The following ARHGAP12 variants were observed in gnomAD, a reference collection of about 807,000 sequenced individuals.
ARHGAP12 encodes the protein rho GTPase-activating protein 12.
ARHGAP12 carries 64 observed loss-of-function variants against 108.6 expected under a neutral mutation model. The observed-to-expected ratio is 0.59, with a 90% CI of 0.48 to 0.73. The LOEUF is 0.73. Among genes scored for constraint, ARHGAP12 ranks in the 30% least tolerant of loss-of-function variants. ARHGAP12 has a pLI of 0.00. For synonymous variants in ARHGAP12, 312 were observed against 337.2 expected, an observed-to-expected ratio of 0.93 and a Z score of 0.82; for missense variants, 940 against 1,005.9, an observed-to-expected ratio of 0.93 and a Z score of 0.89.
chr10:31,834,246 T>C (rs1041601065), intron 9 of ARHGAP12, among the ~76,000 whole-genome samples: 2 of 152,210 alleles, frequency 1.3e-5, no homozygotes, highest in South Asian at 4.1e-4. Flanking sequence ...ACAGACTAAA[T>C]GTTTGTGTCC....
intron 3 of ARHGAP12, among the ~76,000 whole-genome samples, chr10:31,898,458 T>C (rs1838791722): frequency 6.6e-6 from 1 of 152,134 alleles, no homozygotes; most frequent in Non-Finnish European, 1.5e-5. Flanking sequence ...AATGCATTGC[T>C]GGTGGGATGG....
Position 31,806,771 on chromosome 10 carries a change from G to A in ARHGAP12, c.*887C>T, listed in dbSNP as rs1834836804. 6.6e-6 allele frequency: 1 copy of A among 152,532 alleles called. No homozygotes were observed. The highest frequency in any genetic ancestry group is 2.1e-4 in the South Asian group (1 of 4,832). 9.4% of individuals were successfully genotyped at this position (152,532 alleles called of 1,614,324 possible). A position where few individuals can be genotyped will look rare whatever the true frequency, so the allele number is the denominator to read the frequency against. ...GAGGAAACCTAATATTCACAGAAAAGATTACCAATAACAATGATTAGAAAT... is the reference window on the plus strand; with the variant it reads ...GAGGAAACCTAATATTCACAGAAAAAATTACCAATAACAATGATTAGAAAT... On this transcript the variant is annotated 3_prime_UTR_variant, in exon 20 of 20. Transcript: ENST00000344936.
intron 1 of ARHGAP12, among the ~76,000 whole-genome samples, chr10:31,924,289 C>T (rs540648382): frequency 6.6e-6 from 1 of 152,108 alleles, no homozygotes; most frequent in Non-Finnish European, 1.5e-5. Context: ...AACTCAAAGG[C>T]CTATGAACTT....
chr10:31,908,552 T>C lies in ARHGAP12; in HGVS notation c.304A>G (p.Arg102Gly), dbSNP rs1324548763. 2 of 1,614,100 alleles carry C rather than the reference T, an allele frequency of 1.2e-6. No homozygotes were observed. The highest frequency in any genetic ancestry group is 1.7e-6 in the Non-Finnish European group (2 of 1,180,040). The part of the protein sequence containing the change: ...TKIMQSLHLQ[R>G]STENVNKLPE... ...AATTTGTTCACATTTTCTGTTGATC[T>C]CTGAAGATGCAAACTCTGCATTATT... The change falls in exon 3 of 20, where the codon AGA becomes GGA. Residue 102 changes from arginine (R) to glycine (G), a missense_variant. Physicochemically the swap from Arg to Gly is moderately radical, Grantham distance 125. Transcript: ENST00000344936.
At chr10:31,827,073 C>A (rs4518998) in intron 10 of ARHGAP12, 35,121 of 151,986 alleles carry the variant, frequency 0.23, 4,367 homozygotes, top group East Asian at 0.47. Context: ...TAATATGGGG[C>A]TTTTAAAGAA....
At chr10:31,917,740 G>C (rs1429931894) in intron 1 of ARHGAP12, among the ~76,000 whole-genome samples, 4 of 152,158 alleles carry the variant, frequency 2.6e-5, no homozygotes, top group African/African-American at 9.7e-5. Flanking sequence ...TCTAGTGTCA[G>C]ACATCAGTAA....
At chr10:31,867,536 G>A (rs982276290) in intron 3 of ARHGAP12, among the ~76,000 whole-genome samples, 2 of 152,142 alleles carry the variant, frequency 1.3e-5, no homozygotes, top group Non-Finnish European at 1.5e-5. Flanking sequence ...AAGTAATAAT[G>A]CACTGTCTTT....
At chr10:31,864,136 C>T (rs1007897162) in intron 3 of ARHGAP12, among the ~76,000 whole-genome samples, 5 of 151,812 alleles carry the variant, frequency 3.3e-5, no homozygotes, top group Non-Finnish European at 7.4e-5. Context: ...TCATAAAATA[C>T]GTAAAAGAAA....
intron 5 of ARHGAP12, 83 bp from the exon 6 acceptor site, chr10:31,852,680 T>C: frequency 1.1e-6 from 1 of 871,398 alleles, no homozygotes; most frequent in Non-Finnish European, 1.8e-6. Flanking sequence ...CTAGATTTAA[T>C]TCTTATGAAT....
chr10:31,854,611 G>T (rs1279397031), intron 4 of ARHGAP12, among the ~76,000 whole-genome samples: 1 of 152,122 alleles, frequency 6.6e-6, no homozygotes, highest in Non-Finnish European at 1.5e-5. Context: ...TCCTTCTCAT[G>T]TACCACAAGC....
intron 9 of ARHGAP12, among the ~76,000 whole-genome samples, chr10:31,837,952 C>T (rs910655030): frequency 2.0e-5 from 3 of 152,106 alleles, no homozygotes; most frequent in Admixed American, 2.0e-4. Context: ...TGAAGCTTTA[C>T]TCTGTCTGGT....
chr10:31,857,844 T>C (rs1174465783), intron 4 of ARHGAP12, among the ~76,000 whole-genome samples: 5 of 152,176 alleles, frequency 3.3e-5, no homozygotes, highest in Admixed American at 6.5e-5. Context: ...AAAGTAAAAG[T>C]AAAATAAATT....
chr10:31,902,965 C>A (rs930733706), intron 3 of ARHGAP12, among the ~76,000 whole-genome samples: 6 of 152,128 alleles, frequency 3.9e-5, no homozygotes, highest in Non-Finnish European at 8.8e-5. Flanking sequence ...AATAGAACAA[C>A]AGACTGACCT....
intron 3 of ARHGAP12, among the ~76,000 whole-genome samples, chr10:31,874,202 T>C (rs918480255): frequency 2.0e-5 from 3 of 152,232 alleles, no homozygotes; most frequent in Non-Finnish European, 2.9e-5. Context: ...AATTGATCCA[T>C]AGTTTTAAGA....
rs759296561 is a variant in ARHGAP12, at chr10:31,808,769, C to A, written c.2264-18G>T. ...TTCTTGCTCTGAAAAAAGATAATAA[C>A]CAGATATTTTACAGCAAATTCTTAT... is the stretch of plus-strand genomic sequence containing the variant. On this transcript the variant is annotated intron_variant, in intron 18 of 19. Coordinates refer to ENST00000344936, the MANE Select transcript of ARHGAP12 (RefSeq NM_018287.7). 23 of 1,610,128 alleles carry A rather than the reference C, an allele frequency of 1.4e-5. No homozygotes were observed. Among genetic ancestry groups the A allele is most frequent in the Non-Finnish European group, 2.0e-5 (23 of 1,177,282 alleles).
intron 3 of ARHGAP12, among the ~76,000 whole-genome samples, chr10:31,865,695 G>A (rs979072521): frequency 1.4e-4 from 21 of 151,944 alleles, no homozygotes; most frequent in Non-Finnish European, 2.4e-4. Context: ...CTAACATGCC[G>A]AAACCCCATC....
intron 15 of ARHGAP12, among the ~76,000 whole-genome samples, chr10:31,812,256 T>C (rs1283727144): frequency 6.6e-6 from 1 of 152,140 alleles, no homozygotes; most frequent in Non-Finnish European, 1.5e-5. Context: ...ATAAATGAAA[T>C]AACAGGCAAA....
chr10:31,814,493 T>C (rs1341056470), intron 13 of ARHGAP12, 132 bp from the exon 14 acceptor site: 2 of 679,810 alleles, frequency 2.9e-6, no homozygotes, highest in Non-Finnish European at 5.1e-6. Context: ...GTATACAGTA[T>C]GTATGACTTA....
intron 13 of ARHGAP12, among the ~76,000 whole-genome samples, chr10:31,816,462 T>C (rs1311639423): frequency 1.3e-5 from 2 of 152,182 alleles, no homozygotes; most frequent in Non-Finnish European, 2.9e-5. Flanking sequence ...TCTAGGAAAG[T>C]GCAGTATCTG....
Sources: gnomAD v4.1 joint callset for allele counts (sites outside exome capture counted in the v4.1 genomes callset) on GRCh38, gnomAD v4.1.1 for gene constraint, MANE v1.5 for transcripts, NCBI Gene and HGNC (gene_info 2026-07-23, HGNC 2026-07-21) for gene names.